The following ADCY7 variants were observed in gnomAD, a reference collection of about 807,000 sequenced individuals.
The protein encoded by ADCY7 is adenylate cyclase 7.
In ADCY7, 72 loss-of-function variants were observed where a neutral mutation model predicts 120.6. That is an observed-to-expected ratio of 0.60 (90% CI 0.49 to 0.73). ADCY7 has a LOEUF of 0.73. Ranked by LOEUF, ADCY7 falls within the 30% of genes least tolerant of loss-of-function variation. The pLI, the probability that ADCY7 is intolerant of heterozygous loss-of-function variation, is 0.00. For missense variants in ADCY7, 1,227 were observed against 1,486.0 expected (o/e 0.83, Z 2.87); for synonymous variants, 661 against 628.0 (o/e 1.05, Z -0.78).
chr16:50,312,209 T>TGGGGCG lies in ADCY7; in HGVS notation c.2604+24_2604+29dup, dbSNP rs760860922. On this transcript the variant is annotated intron_variant, in intron 21 of 25. Coordinates refer to ENST00000673801, the MANE Select transcript of ADCY7 (RefSeq NM_001114.5). Reference sequence around the variant, plus strand: ...TAAACGAGGTGTGCTGAGAAGGGGCTGGGGCGGGGGCAGGGAGGCGGACGG... The same window carrying TGGGGCG: ...TAAACGAGGTGTGCTGAGAAGGGGCTGGGGCGGGGGCGGGGGCAGGGAGGCGGACGG... 2 of 1,020,712 alleles carry TGGGGCG rather than the reference T, an allele frequency of 2.0e-6. No homozygotes were observed. Among genetic ancestry groups the TGGGGCG allele is most frequent in the African/African-American group, 2.7e-5 (1 of 37,096 alleles). 63.2% of individuals were successfully genotyped at this position (1,020,712 alleles called of 1,614,324 possible).
intron 3 of ADCY7, among the ~76,000 whole-genome samples, chr16:50,290,983 C>T (rs906114247): frequency 5.3e-5 from 8 of 152,198 alleles, no homozygotes; most frequent in African/African-American, 1.9e-4. Context: ...CAGTGGGTAA[C>T]TGGAACTGGG....
chr16:50,273,730 T>C (rs2033707274), intron 1 of ADCY7, among the ~76,000 whole-genome samples: 1 of 152,230 alleles, frequency 6.6e-6, no homozygotes, highest in African/African-American at 2.4e-5. Context: ...CCAGAGCTCA[T>C]GCAGTTGGGA....
At chr16:50,308,645 A>G (rs1050397573) in intron 16 of ADCY7, 22 bp from the exon 17 acceptor site, 6 of 1,600,862 alleles carry the variant, frequency 3.7e-6, no homozygotes, top group Non-Finnish European at 5.1e-6. Flanking sequence ...GCTCTGGGTG[A>G]CTTGACCCTG....
chr16:50,255,183 G>C (rs1192331186), intron 1 of ADCY7, among the ~76,000 whole-genome samples: 1 of 150,752 alleles, frequency 6.6e-6, no homozygotes, highest in East Asian at 1.9e-4. Flanking sequence ...TGTCGTCCCA[G>C]CTACTTGGGA....
At chr16:50,307,995 C>CAAAAAA (rs34191947) in intron 15 of ADCY7, among the ~76,000 whole-genome samples, 1 of 64,904 alleles carries the variant, frequency 1.5e-5, no homozygotes, top group Non-Finnish European at 2.8e-5. Context: ...GACTCCATCT[C>CAAAAAA]AAAAAAAAAA....
At chr16:50,245,963 G>A (rs944486713), upstream of ADCY7, among the ~76,000 whole-genome samples, 1 of 148,532 alleles carries the variant, frequency 6.7e-6, no homozygotes, top group Admixed American at 6.6e-5. Context: ...CTGGGGTGGG[G>A]TGGGGTGGGG....
chr16:50,293,341 C>G lies in ADCY7; in HGVS notation c.688-13C>G, dbSNP rs370283411. 5 of 1,611,312 alleles carry G rather than the reference C, an allele frequency of 3.1e-6. No homozygotes were observed. The highest frequency in any genetic ancestry group is 3.3e-5 in the Admixed American group (2 of 59,986). On this transcript the variant is annotated splice_polypyrimidine_tract_variant and intron_variant, in intron 5 of 25. Transcript: ENST00000673801. ...TTGCTGGTCCCTCTGCTGGTCTGCC[C>G]ACCCACACCCAGGAGAACCTGCTGC...
chr16:50,288,030 G>T lies in ADCY7; in HGVS notation c.-150G>T. On this transcript the variant is annotated 5_prime_UTR_variant, in exon 2 of 26. In the 5' UTR this introduces an upstream ATG that the reference lacks. Transcript: ENST00000673801. ...ACCCCTTGTTGGCCATGGAGCAGCA[G>T]GCCCAGAGGCCCTCTCCCCAGCCCT... 2 of 868,678 alleles carry T rather than the reference G, an allele frequency of 2.3e-6. No individual in the cohort carries two copies. Among genetic ancestry groups the T allele is most frequent in the Non-Finnish European group, 1.7e-6 (1 of 593,002 alleles). 53.8% of individuals were successfully genotyped at this position (868,678 alleles called of 1,614,324 possible).
chr16:50,272,878 G>A (rs906217001), intron 1 of ADCY7, among the ~76,000 whole-genome samples: 9 of 152,184 alleles, frequency 5.9e-5, no homozygotes, highest in Non-Finnish European at 4.4e-5. Flanking sequence ...GCTATTTTAA[G>A]GGGGGCCTGG....
chr16:50,281,131 C>A (rs557645461), intron 1 of ADCY7, among the ~76,000 whole-genome samples: 14 of 152,286 alleles, frequency 9.2e-5, no homozygotes, highest in Non-Finnish European at 4.4e-5. Flanking sequence ...GGGCTCTGAC[C>A]CTGCAGGGCT....
intron 22 of ADCY7, chr16:50,313,416 C>G (rs1032195772): frequency 1.2e-5 from 2 of 171,160 alleles, no homozygotes. Context: ...AACTCTGTCT[C>G]AAACAACAAC....
chr16:50,272,668 T>C (rs919986258), intron 1 of ADCY7, among the ~76,000 whole-genome samples: 1 of 152,164 alleles, frequency 6.6e-6, no homozygotes, highest in African/African-American at 2.4e-5. Context: ...TGGGCTTGTC[T>C]TGGTCCTGCT....
intron 1 of ADCY7, among the ~76,000 whole-genome samples, chr16:50,285,712 G>A (rs1472120948): frequency 6.6e-6 from 1 of 152,204 alleles, no homozygotes; most frequent in East Asian, 1.9e-4. Context: ...GTCCAGGGTT[G>A]CCCCCTTCAT....
At chr16:50,290,731 C>CCA in intron 3 of ADCY7, 71 bp downstream of exon 3, 1 of 1,518,668 alleles carries the variant, frequency 6.6e-7, no homozygotes, top group Non-Finnish European at 9.0e-7. Context: ...GGTGGGCATG[C>CCA]CACAGGCCCT....
At chr16:50,282,403 G>A (rs2034329531) in intron 1 of ADCY7, among the ~76,000 whole-genome samples, 1 of 152,204 alleles carries the variant, frequency 6.6e-6, no homozygotes, top group African/African-American at 2.4e-5. Context: ...GACCCAGCCA[G>A]CCAGTATTTG....
At chr16:50,313,711 G>C (rs1271668125) in intron 22 of ADCY7, 1 of 522,630 alleles carries the variant, frequency 1.9e-6, no homozygotes, top group Non-Finnish European at 3.4e-6. Flanking sequence ...TGTTTGCTCT[G>C]TGCAGACACA....
At chr16:50,250,467 A>AC (rs2032723830) in intron 1 of ADCY7, among the ~76,000 whole-genome samples, 1 of 151,756 alleles carries the variant, frequency 6.6e-6, no homozygotes, top group Non-Finnish European at 1.5e-5. Flanking sequence ...AAAAAAAAAA[A>AC]AAAAAAAAAA....
At position 50,308,758 on chromosome 16, in the gene ADCY7, T is replaced by C. The variant is rs1444656457; in HGVS notation, c.2027T>C (p.Ile676Thr). The change falls in exon 17 of 26, where the codon ATC becomes ACC. Residue 676 changes from isoleucine to threonine, a missense_variant. Transcript: ENST00000673801. ...LLRLTLAVLTIGSLLTVAIIN... is the reference protein window; with the variant it reads ...LLRLTLAVLTTGSLLTVAIIN... ...AGGCTGACCCTGGCCGTCCTGACCA[T>C]CGGCAGCCTGCTCACTGTGGCCATC... The C allele has an allele frequency of 5.0e-6, 8 of 1,612,654 alleles. No homozygotes were observed. The highest frequency in any genetic ancestry group is 6.8e-6 in the Non-Finnish European group (8 of 1,179,820).
chr16:50,293,561 C>T lies in ADCY7; in HGVS notation c.836+59C>T, dbSNP rs571340705. 1.5e-5 allele frequency: 24 copies of T among 1,573,658 alleles called. No homozygotes were observed. The South Asian group carries it at 2.4e-4, about 16-fold the overall frequency. ...GGGACTGGGCCCACCGTTCCACCGG[C>T]CCCCAGGCGGCCTCCCCGCCCTATC... On this transcript the variant is annotated intron_variant, in intron 6 of 25. Coordinates refer to ENST00000673801, the MANE Select transcript of ADCY7 (RefSeq NM_001114.5).
Sources: allele counts gnomAD v4.1 joint callset (sites outside exome capture counted in the v4.1 genomes callset), GRCh38; gene constraint gnomAD v4.1.1; transcripts MANE v1.5; gene names NCBI Gene and HGNC (gene_info 2026-07-23, HGNC 2026-07-21).